The following ADAMTS17 variants were observed in gnomAD, a reference collection of about 807,000 sequenced individuals.
ADAMTS17 encodes the protein ADAM metallopeptidase with thrombospondin type 1 motif 17, also known as A disintegrin and metalloproteinase with thrombospondin motifs 17.
A neutral mutation model predicts 141.5 loss-of-function variants in ADAMTS17; 113 were observed. The ratio of observed to expected loss-of-function variants is 0.80; its 90% CI spans 0.69 to 0.93. ADAMTS17 has a LOEUF of 0.93. ADAMTS17 is among the 40% of genes least tolerant of loss of function. The pLI is 0.00. For synonymous variants in ADAMTS17, 768 were observed against 630.6 expected (o/e 1.22, Z -3.27); for missense variants, 1,659 against 1,517.9 (o/e 1.09, Z -1.54).
intron 13 of ADAMTS17, among the ~76,000 whole-genome samples, chr15:100,109,896 C>T (rs2036645728): frequency 6.6e-6 from 1 of 152,162 alleles, no homozygotes; most frequent in East Asian, 1.9e-4. Context: ...TGAGGTGGGG[C>T]AGGAGCAGCA....
intron 15 of ADAMTS17, among the ~76,000 whole-genome samples, chr15:100,069,581 C>T (rs1346078060): frequency 6.6e-6 from 1 of 152,016 alleles, no homozygotes; most frequent in Admixed American, 6.6e-5. Context: ...AGAGTGGGGG[C>T]CAATATTCAA....
intron 2 of ADAMTS17, among the ~76,000 whole-genome samples, chr15:100,334,493 G>A (rs948233319): frequency 6.6e-6 from 1 of 152,180 alleles, no homozygotes; most frequent in African/African-American, 2.4e-5. Context: ...GGACCAACCA[G>A]CTTCCAAGAA....
intron 10 of ADAMTS17, among the ~76,000 whole-genome samples, chr15:100,145,361 A>C (rs1234631398): frequency 6.6e-6 from 1 of 152,232 alleles, no homozygotes. Flanking sequence ...TTCACCCCTA[A>C]AACTCCTGAC....
chr15:100,306,957 G>A (rs1473433301), intron 3 of ADAMTS17, among the ~76,000 whole-genome samples: 2 of 152,152 alleles, frequency 1.3e-5, no homozygotes, highest in East Asian at 1.9e-4. Context: ...CTGACAGAAA[G>A]GAGAACGAGG....
At chr15:100,321,139 G>A (rs1325916191) in intron 3 of ADAMTS17, among the ~76,000 whole-genome samples, 1 of 152,142 alleles carries the variant, frequency 6.6e-6, no homozygotes, top group African/African-American at 2.4e-5. Context: ...TATCAATGAA[G>A]GAAACCTGAT....
intron 10 of ADAMTS17, among the ~76,000 whole-genome samples, chr15:100,137,664 T>C (rs2038404100): frequency 6.6e-6 from 1 of 152,124 alleles, no homozygotes; most frequent in Non-Finnish European, 1.5e-5. Flanking sequence ...CACCCCCAAG[T>C]AAAGGAAATA....
chr15:100,007,840 G>C (rs1352710283), intron 18 of ADAMTS17, among the ~76,000 whole-genome samples: 1 of 152,224 alleles, frequency 6.6e-6, no homozygotes, highest in Middle Eastern at 3.4e-3. Flanking sequence ...GAGCAAAGGA[G>C]GTCAAGGGGG....
intron 3 of ADAMTS17, among the ~76,000 whole-genome samples, chr15:100,300,708 C>T (rs1389864706): frequency 6.6e-6 from 1 of 152,208 alleles, no homozygotes; most frequent in Non-Finnish European, 1.5e-5. Flanking sequence ...TAAAATCCAA[C>T]TAGGAGGGCA....
At chr15:100,212,644 C>T (rs142724527) in intron 7 of ADAMTS17, among the ~76,000 whole-genome samples, 78 of 152,136 alleles carry the variant, frequency 5.1e-4, no homozygotes, top group African/African-American at 1.8e-3. Flanking sequence ...CCAAAAGATC[C>T]TGGGAAAATT....
intron 8 of ADAMTS17, among the ~76,000 whole-genome samples, chr15:100,165,450 G>C (rs564244777): frequency 1.8e-4 from 27 of 152,264 alleles, no homozygotes; most frequent in African/African-American, 6.3e-4. Context: ...ATATGAACAC[G>C]CAATGACACA....
At chr15:100,114,754 C>T (rs1242069014) in intron 13 of ADAMTS17, among the ~76,000 whole-genome samples, 2 of 152,142 alleles carry the variant, frequency 1.3e-5, no homozygotes, top group Non-Finnish European at 2.9e-5. Flanking sequence ...TCCAAGTGGC[C>T]CCCCAGAGAG....
intron 15 of ADAMTS17, among the ~76,000 whole-genome samples, chr15:100,080,026 T>G (rs541799501): frequency 1.1e-4 from 17 of 152,306 alleles, no homozygotes; most frequent in African/African-American, 4.1e-4. Context: ...GCCGTATATG[T>G]TCTGAATTAG....
At chr15:100,098,469 A>G (rs1048680089) in intron 14 of ADAMTS17, among the ~76,000 whole-genome samples, 13 of 152,098 alleles carry the variant, frequency 8.5e-5, no homozygotes, top group African/African-American at 3.1e-4. Flanking sequence ...CAACATGGTG[A>G]AACCCCGTCT....
rs747331760 is a variant in ADAMTS17 at position 100,196,913 on chromosome 15, G to C, written c.1181+2405C>G. Among the ~76,000 whole-genome samples, 18 of 152,334 alleles carry C rather than the reference G, an allele frequency of 1.2e-4. No individual in the cohort carries two copies. The Middle Eastern group carries it at 0.01, about 86-fold the overall frequency. On this transcript the variant is annotated intron_variant, in intron 8 of 21. Coordinates refer to ENST00000268070, the MANE Select transcript of ADAMTS17 (RefSeq NM_139057.4). ...TGGGAAACCTGTAATTACCCAAAGA[G>C]GGGGAGGGCCAAATGCTAGCAAGAT... is the stretch of plus-strand genomic sequence containing the variant.
chr15:100,274,095 A>C (rs2044000631), intron 4 of ADAMTS17, among the ~76,000 whole-genome samples: 1 of 152,202 alleles, frequency 6.6e-6, no homozygotes, highest in Non-Finnish European at 1.5e-5. Context: ...TTTGTGACCT[A>C]ACACATGGTC....
At chr15:100,125,821 C>T (rs2037703057) in intron 12 of ADAMTS17, among the ~76,000 whole-genome samples, 1 of 151,986 alleles carries the variant, frequency 6.6e-6, no homozygotes, top group African/African-American at 2.4e-5. Flanking sequence ...GCTGTGAAGA[C>T]CAAGACTAAA....
intron 10 of ADAMTS17, among the ~76,000 whole-genome samples, chr15:100,135,333 G>A (rs538430558): frequency 3.6e-4 from 54 of 151,624 alleles, no homozygotes; most frequent in African/African-American, 1.3e-3. Flanking sequence ...GCCCAGGCTG[G>A]AGTGCAGTAG....
chr15:100,008,878 A>G (rs1351668623), intron 18 of ADAMTS17, among the ~76,000 whole-genome samples: 4 of 152,030 alleles, frequency 2.6e-5, no homozygotes, highest in African/African-American at 4.8e-5. Flanking sequence ...TCACTCTGTC[A>G]CTCAGTGTAG....
chr15:100,035,748 G>GT (rs2030643076), intron 18 of ADAMTS17, among the ~76,000 whole-genome samples: 1 of 152,074 alleles, frequency 6.6e-6, no homozygotes, highest in East Asian at 1.9e-4. Flanking sequence ...ATCTTGTCCA[G>GT]TACTAAGGTA....
Sources: allele counts gnomAD v4.1 joint callset (sites outside exome capture counted in the v4.1 genomes callset), GRCh38; gene constraint gnomAD v4.1.1; transcripts MANE v1.5; gene names NCBI Gene and HGNC (gene_info 2026-07-23, HGNC 2026-07-21).